Variants in DUSP16 observed in about 807,000 individuals in gnomAD.
The protein encoded by DUSP16 is dual specificity protein phosphatase 16.
DUSP16 carries 21 observed loss-of-function variants against 58.3 expected under a neutral mutation model. That is an observed-to-expected ratio of 0.36 (90% CI 0.26 to 0.52). DUSP16 has a LOEUF of 0.52. DUSP16 is among the 20% of genes least tolerant of loss of function. The pLI, the probability that DUSP16 is intolerant of heterozygous loss-of-function variation, is 0.94. For synonymous variants in DUSP16, 320 were observed against 323.8 expected (o/e 0.99, Z 0.12); for missense variants, 726 against 819.0 (o/e 0.89, Z 1.39).
In DUSP16 at chr12:12,474,599, C is replaced by T. The variant is rs911628304; in HGVS notation, c.*2234G>A. 6.6e-6 allele frequency: 1 copy of T among 152,302 alleles called. No individual in the cohort carries two copies. Among genetic ancestry groups the T allele is most frequent in the Non-Finnish European group, 1.5e-5 (1 of 68,052 alleles). The allele number at this position is 152,302 out of a possible 1,614,324, so 9.4% of individuals were successfully genotyped here. A position where few individuals can be genotyped will look rare whatever the true frequency, so the allele number is the denominator to read the frequency against. ...GCCACGGCAGTCTCGATTCCAAGAA[C>T]TGATTATCTGACACTAGTGAACCAG... On this transcript the variant is annotated 3_prime_UTR_variant, in exon 7 of 7. Transcript: ENST00000298573.
chr12:12,487,231 T>C, intron 4 of DUSP16, 44 bp from the exon 5 acceptor site: 1 of 1,584,996 alleles, frequency 6.3e-7, no homozygotes, highest in Non-Finnish European at 8.6e-7. Context: ...AATAATATAG[T>C]AAACATGATC....
intron 3 of DUSP16, among the ~76,000 whole-genome samples, chr12:12,510,198 T>C (rs1042779612): frequency 1.3e-5 from 2 of 152,120 alleles, no homozygotes; most frequent in Non-Finnish European, 2.9e-5. Flanking sequence ...CAACTATGAT[T>C]ATACCCCAGA....
intron 3 of DUSP16, among the ~76,000 whole-genome samples, chr12:12,515,659 G>T (rs539261564): frequency 1.3e-5 from 2 of 151,902 alleles, no homozygotes; most frequent in South Asian, 4.2e-4. Flanking sequence ...ATTTCAAGGG[G>T]GGTTGTGGGG....
Position 12,519,986 on chromosome 12 carries a change from G to A in DUSP16, c.243C>T (p.Cys81=). 6.2e-7 allele frequency: 1 copy of A among 1,614,052 alleles called. No individual in the cohort carries two copies. Among genetic ancestry groups the A allele is most frequent in the Non-Finnish European group, 8.5e-7 (1 of 1,179,946 alleles). Residue 81 remains cysteine (C), a synonymous_variant, in exon 3 of 7, where the codon TGC becomes TGT. Coordinates refer to ENST00000298573, the MANE Select transcript of DUSP16 (RefSeq NM_030640.3). The part of the protein sequence containing the change: ...HSAKHKVDID[C]SQKVVVYDQS... ...GATCGTAAACTACAACCTTCTGACT[G>A]CAATCAATGTCAACCTGAAATGCAA...
At chr12:12,510,124 T>C (rs1465473994) in intron 3 of DUSP16, among the ~76,000 whole-genome samples, 1 of 151,604 alleles carries the variant, frequency 6.6e-6, no homozygotes, top group East Asian at 1.9e-4. Flanking sequence ...GTGTGGAGAG[T>C]CCCGTAATAT....
chr12:12,500,940 T>A (rs1943899874), intron 3 of DUSP16, among the ~76,000 whole-genome samples: 1 of 152,048 alleles, frequency 6.6e-6, no homozygotes, highest in Admixed American at 6.6e-5. Context: ...ATTCTCTTCA[T>A]CTTCACATAC....
At position 12,562,470 on chromosome 12, in the gene DUSP16, TGGGGGTTGG is replaced by T. The variant is rs1448268828; in HGVS notation, c.-728_-720del. The T allele has an allele frequency of 2.6e-5, 3 of 114,044 alleles. No individual in the cohort carries two copies. Among genetic ancestry groups the T allele is most frequent in the Non-Finnish European group, 5.4e-5 (3 of 55,076 alleles). The allele number at this position is 114,044 out of a possible 1,614,324, so 7.1% of individuals were successfully genotyped here. On this transcript the variant is annotated 5_prime_UTR_variant, in exon 1 of 7. Transcript: ENST00000298573. ...AAGGTGGGGGGCCGCGTTGTGAAAGTGGGGGTTGGGGGGGAGAGAGAGGTGGTAATAATC... is the reference window on the plus strand; with the variant it reads ...AAGGTGGGGGGCCGCGTTGTGAAAGTGGGGGAGAGAGAGGTGGTAATAATC...
intron 1 of DUSP16, among the ~76,000 whole-genome samples, chr12:12,549,028 C>T (rs980227146): frequency 6.6e-6 from 1 of 152,136 alleles, no homozygotes; most frequent in Non-Finnish European, 1.5e-5. Flanking sequence ...TAATTACAGA[C>T]AATACACACA....
At chr12:12,487,630 T>C (rs750036419) in intron 4 of DUSP16, among the ~76,000 whole-genome samples, 1 of 152,196 alleles carries the variant, frequency 6.6e-6, no homozygotes, top group African/African-American at 2.4e-5. Flanking sequence ...CTTACTTCTG[T>C]AGTCTTAATT....
intron 1 of DUSP16, among the ~76,000 whole-genome samples, chr12:12,537,010 T>C (rs757275659): frequency 3.3e-5 from 5 of 152,032 alleles, no homozygotes; most frequent in East Asian, 3.9e-4. Flanking sequence ...CTGCACTCTA[T>C]CTAGCCTGGG....
At chr12:12,536,482 T>A (rs1944464229) in intron 1 of DUSP16, among the ~76,000 whole-genome samples, 1 of 152,194 alleles carries the variant, frequency 6.6e-6, no homozygotes, top group African/African-American at 2.4e-5. Context: ...CAGTGGCTCA[T>A]GCATGTAATC....
chr12:12,486,061 G>C (rs1209288284), intron 5 of DUSP16, among the ~76,000 whole-genome samples: 1 of 147,394 alleles, frequency 6.8e-6, no homozygotes, highest in Admixed American at 6.7e-5. Context: ...CCAAAGTGCT[G>C]GGATTACAGG....
intron 1 of DUSP16, among the ~76,000 whole-genome samples, chr12:12,534,811 TAA>T (rs899666349): frequency 1.3e-5 from 2 of 152,198 alleles, no homozygotes; most frequent in East Asian, 3.9e-4. Context: ...TTTGTTACTC[TAA>T]AAAAAAGTTT....
intron 1 of DUSP16, among the ~76,000 whole-genome samples, chr12:12,530,563 C>A (rs183679071): frequency 8.5e-5 from 13 of 152,146 alleles, no homozygotes; most frequent in African/African-American, 3.1e-4. Context: ...TTGAGGCAGG[C>A]AATTGAACTT....
At chr12:12,478,679 C>A (rs1032253570) in intron 6 of DUSP16, among the ~76,000 whole-genome samples, 4 of 152,194 alleles carry the variant, frequency 2.6e-5, no homozygotes, top group African/African-American at 4.8e-5. Context: ...CCCTGACACA[C>A]ACACACCAGT....
In DUSP16 at chr12:12,477,133, G is replaced by A. The variant is rs1468858951; in HGVS notation, c.1698C>T (p.Phe566=). 5 of 1,614,146 alleles carry A rather than the reference G, an allele frequency of 3.1e-6. No individual in the cohort carries two copies. The highest frequency in any genetic ancestry group is 1.3e-5 in the African/African-American group (1 of 74,954). Residue 566 remains phenylalanine (F), a synonymous_variant, in exon 7 of 7, where the codon TTC becomes TTT. Coordinates refer to ENST00000298573, the MANE Select transcript of DUSP16 (RefSeq NM_030640.3). The surrounding 1 kb of genome is among the most constrained non-coding windows in gnomAD (Gnocchi z 4.1). The part of the protein sequence containing the change: ...SWYFATESSH[F]YSASAIYGGS... ...CTCCGTAGATGGCTGAGGCAGAGTAGAAGTGTGAGGACTCTGTGGCAAAAT... is the reference window on the plus strand; with the variant it reads ...CTCCGTAGATGGCTGAGGCAGAGTAAAAGTGTGAGGACTCTGTGGCAAAAT...
chr12:12,542,231 G>T (rs375712780), intron 1 of DUSP16, among the ~76,000 whole-genome samples: 1 of 152,000 alleles, frequency 6.6e-6, no homozygotes, highest in Non-Finnish European at 1.5e-5. Flanking sequence ...AAATTACCCG[G>T]GCGTGGTGGC....
intron 1 of DUSP16, chr12:12,554,567 T>G (rs1566061312): frequency 1.3e-5 from 2 of 152,216 alleles, no homozygotes; most frequent in Non-Finnish European, 1.5e-5. Context: ...TTTCAAAAAT[T>G]TATCAATACT....
intron 1 of DUSP16, among the ~76,000 whole-genome samples, chr12:12,530,581 C>T (rs959801302): frequency 6.6e-6 from 1 of 152,066 alleles, no homozygotes; most frequent in African/African-American, 2.4e-5. Context: ...CTTTTAGCTT[C>T]AGTGTGAAAA....
Sources: gnomAD v4.1 joint callset for allele counts (sites outside exome capture counted in the v4.1 genomes callset) on GRCh38, gnomAD v4.1.1 for gene constraint, Gnocchi (gnomAD v3.1) non-coding constraint, MANE v1.5 for transcripts, NCBI Gene and HGNC (gene_info 2026-07-23, HGNC 2026-07-21) for gene names.